The following TAS2R1 variants were observed in gnomAD, a reference collection of about 807,000 sequenced individuals.
TAS2R1 encodes taste 2 receptor member 1.
For synonymous variants in TAS2R1, 141 were observed against 134.2 expected, an observed-to-expected ratio of 1.05 and a Z score of -0.35; for missense variants, 370 against 353.4, an observed-to-expected ratio of 1.05 and a Z score of -0.38.
At chr5:9,797,222 G>A in the TAS2R1 span, among the ~76,000 whole-genome samples, 5 of 152,306 alleles carry the variant, frequency 3.3e-5, no homozygotes, top group South Asian at 8.3e-4. Context: ...TGAAGATGTT[G>A]ATTGTTGTGA....
chr5:9,850,097 G>A, the TAS2R1 span, among the ~76,000 whole-genome samples: 1 of 152,150 alleles, frequency 6.6e-6, no homozygotes, highest in African/African-American at 2.4e-5. Flanking sequence ...AACCACAGGT[G>A]CAAACCTTTC....
At chr5:9,827,656 A>T in the TAS2R1 span, among the ~76,000 whole-genome samples, 12,697 of 151,842 alleles carry the variant, frequency 0.084, 662 homozygotes, top group East Asian at 0.19. Flanking sequence ...TGTGGCATGC[A>T]CTTGTAGTCC....
chr5:9,886,523 G>A, the TAS2R1 span, among the ~76,000 whole-genome samples: 6 of 151,644 alleles, frequency 4.0e-5, no homozygotes, highest in Non-Finnish European at 7.4e-5. Flanking sequence ...TAGTAGAGAC[G>A]GGGTTTTGCC....
the TAS2R1 span, among the ~76,000 whole-genome samples, chr5:9,860,157 AT>A: frequency 2.0e-5 from 3 of 152,220 alleles, no homozygotes; most frequent in Non-Finnish European, 4.4e-5. Flanking sequence ...AGAAGAGACC[AT>A]GATCCAGTGG....
chr5:9,674,203 A>G (rs911873866), intron 1 of TAS2R1, among the ~76,000 whole-genome samples: 1 of 152,226 alleles, frequency 6.6e-6, no homozygotes, highest in Non-Finnish European at 1.5e-5. Flanking sequence ...GTCAGGACCT[A>G]CTGGAGAGTC....
the TAS2R1 span, among the ~76,000 whole-genome samples, chr5:9,831,147 T>TG: frequency 1.3e-5 from 2 of 152,174 alleles, no homozygotes; most frequent in African/African-American, 4.8e-5. Context: ...GAGAGTATGC[T>TG]GGTGACAGGG....
chr5:9,768,977 A>G, the TAS2R1 span, among the ~76,000 whole-genome samples: 2 of 152,180 alleles, frequency 1.3e-5, no homozygotes, highest in Non-Finnish European at 2.9e-5. Flanking sequence ...TGTTGACTGT[A>G]GTCACCCTGT....
chr5:9,656,451 C>T (rs916324802), intron 2 of TAS2R1, among the ~76,000 whole-genome samples: 6 of 152,226 alleles, frequency 3.9e-5, no homozygotes, highest in Middle Eastern at 3.4e-3. Context: ...CCAGGGCAGC[C>T]GATGGGATAA....
chr5:9,634,786 C>T (rs1229199865), upstream of TAS2R1, among the ~76,000 whole-genome samples: 1 of 152,064 alleles, frequency 6.6e-6, no homozygotes, highest in Non-Finnish European at 1.5e-5. Flanking sequence ...GATTTGTGTA[C>T]ACTGACTTTG....
chr5:9,628,002 C>T lies in TAS2R1; in HGVS notation c.*1131G>A, dbSNP rs1410024906. Among the ~76,000 whole-genome samples, 1 of 152,166 alleles carries T rather than the reference C, an allele frequency of 6.6e-6. No homozygotes were observed. Among genetic ancestry groups the T allele is most frequent in the Non-Finnish European group, 1.5e-5 (1 of 68,030 alleles). On this transcript the variant is annotated 3_prime_UTR_variant, in exon 1 of 1. Coordinates refer to ENST00000382492, the MANE Select transcript of TAS2R1 (RefSeq NM_019599.3). ...AAAATCTAAACCTAAACCTGCTTTG[C>T]ATCATCACGCCTGAACTACAAGTTA... is the stretch of plus-strand genomic sequence containing the variant.
the TAS2R1 span, among the ~76,000 whole-genome samples, chr5:9,851,518 GTTTT>G: frequency 7.2e-6 from 1 of 139,404 alleles, no homozygotes; most frequent in African/African-American, 2.6e-5. Flanking sequence ...GCTGGGATTT[GTTTT>G]TTTTTTTTTT....
chr5:9,853,428 G>A, the TAS2R1 span, among the ~76,000 whole-genome samples: 1 of 152,152 alleles, frequency 6.6e-6, no homozygotes, highest in Non-Finnish European at 1.5e-5. Flanking sequence ...AAAAGGAATG[G>A]TAACTTTCAG....
At chr5:9,738,842 T>C in the TAS2R1 span, among the ~76,000 whole-genome samples, 1,321 of 152,114 alleles carry the variant, frequency 8.7e-3, 19 homozygotes, top group African/African-American at 0.03. Context: ...AATATCCCAC[T>C]AGGCCTCTCT....
chr5:9,714,177 G>A (rs1734760536), upstream of TAS2R1: 1 of 152,168 alleles, frequency 6.6e-6, no homozygotes, highest in Admixed American at 6.5e-5. Context: ...GGTCCCTAAA[G>A]ACAGGTTGAC....
the TAS2R1 span, among the ~76,000 whole-genome samples, chr5:9,900,618 GTTTTTTTT>G: frequency 2.5e-5 from 3 of 119,960 alleles, no homozygotes; most frequent in Admixed American, 2.7e-4. Flanking sequence ...TGCTCAAATG[GTTTTTTTT>G]TTTTTTTTTT....
chr5:9,807,235 C>CA, the TAS2R1 span, among the ~76,000 whole-genome samples: 1 of 151,672 alleles, frequency 6.6e-6, no homozygotes, highest in South Asian at 2.1e-4. Flanking sequence ...TGGCCATATT[C>CA]AAAAAATGAA....
At chr5:9,738,473 A>T in the TAS2R1 span, among the ~76,000 whole-genome samples, 1 of 152,196 alleles carries the variant, frequency 6.6e-6, no homozygotes, top group Non-Finnish European at 1.5e-5. Context: ...CTTTACTTTG[A>T]GTCCCAAAAG....
chr5:9,643,925 G>A (rs748943448), intron 2 of TAS2R1, among the ~76,000 whole-genome samples: 1 of 152,104 alleles, frequency 6.6e-6, no homozygotes, highest in Non-Finnish European at 1.5e-5. Flanking sequence ...GGAAGATCTG[G>A]GAATGAACAC....
At chr5:9,715,061 G>A (rs1006897678), upstream of TAS2R1, among the ~76,000 whole-genome samples, 1 of 152,166 alleles carries the variant, frequency 6.6e-6, no homozygotes, top group African/African-American at 2.4e-5. Context: ...AAGGAAAGGG[G>A]ACTCCAGGAA....
Sources: gnomAD v4.1 joint callset for allele counts (sites outside exome capture counted in the v4.1 genomes callset) on GRCh38, gnomAD v4.1.1 for gene constraint, MANE v1.5 for transcripts, NCBI Gene and HGNC (gene_info 2026-07-23, HGNC 2026-07-21) for gene names.